The following ABCA1 variants were observed in gnomAD, a reference collection of about 807,000 sequenced individuals.
ABCA1 encodes the protein phospholipid-transporting ATPase ABCA1.
In ABCA1, 133 loss-of-function variants were observed where a neutral mutation model predicts 262.5. That is an observed-to-expected ratio of 0.51 (90% CI 0.44 to 0.59). ABCA1 has a LOEUF of 0.59. ABCA1 is among the 20% of genes least tolerant of loss of function. ABCA1 has a pLI of 0.00. For synonymous variants in ABCA1, 1,022 were observed against 1,043.5 expected, an observed-to-expected ratio of 0.98 and a Z score of 0.40; for missense variants, 2,452 against 2,777.5, an observed-to-expected ratio of 0.88 and a Z score of 2.63.
chr9:104,885,547 T>G (rs1238247663), intron 3 of ABCA1, among the ~76,000 whole-genome samples: 1 of 152,208 alleles, frequency 6.6e-6, no homozygotes, highest in East Asian at 1.9e-4. Context: ...ATTGTTGTTT[T>G]GTCACTAATT....
chr9:104,837,614 T>C (rs771775930), intron 9 of ABCA1, 47 bp from the exon 10 acceptor site: 5 of 1,607,580 alleles, frequency 3.1e-6, no homozygotes, highest in Non-Finnish European at 4.2e-6. Flanking sequence ...GGTCATATAC[T>C]GATAGAAACT....
At position 104,845,564 on chromosome 9, in the gene ABCA1, T is replaced by C; in HGVS notation, c.726A>G (p.Thr242=). 1.2e-6 allele frequency: 2 copies of C among 1,611,188 alleles called. No individual in the cohort carries two copies. Among genetic ancestry groups the C allele is most frequent in the African/African-American group, 1.3e-5 (1 of 74,984 alleles). ...TCGGGAAGGGAGATGTAGAGTTTAG[T>C]GTTCTCTGTAATGAGAAAGAAAACT... The part of the protein sequence containing the change: ...NMDILKPILR[T]LNSTSPFPSK... The change falls in exon 8 of 50, where the codon ACA becomes ACG. Residue 242 remains threonine, a synonymous_variant. Coordinates refer to ENST00000374736, the MANE Select transcript of ABCA1 (RefSeq NM_005502.4).
intron 5 of ABCA1, among the ~76,000 whole-genome samples, chr9:104,876,697 A>C (rs950532560): frequency 3.9e-5 from 6 of 152,242 alleles, no homozygotes; most frequent in Non-Finnish European, 8.8e-5. Flanking sequence ...CAGCAGCAAC[A>C]ACCCCATCAG....
chr9:104,839,129 CTG>C (rs1024953675), intron 9 of ABCA1, among the ~76,000 whole-genome samples: 2 of 152,248 alleles, frequency 1.3e-5, no homozygotes, highest in African/African-American at 4.8e-5. Context: ...CTGCCTAAAA[CTG>C]TGACATTGGA....
intron 9 of ABCA1, among the ~76,000 whole-genome samples, chr9:104,839,294 G>A (rs567390963): frequency 1.6e-4 from 24 of 152,300 alleles, no homozygotes; most frequent in African/African-American, 5.5e-4. Flanking sequence ...GAACACACAC[G>A]CCACCACTAA....
chr9:104,848,057 T>C (rs560541464), intron 7 of ABCA1, among the ~76,000 whole-genome samples: 53 of 152,330 alleles, frequency 3.5e-4, no homozygotes, highest in African/African-American at 1.2e-3. Flanking sequence ...CACACACATA[T>C]ACATCTTTAT....
chr9:104,818,817 A>G lies in ABCA1; in HGVS notation c.3308T>C (p.Ile1103Thr). 6.2e-7 allele frequency: 1 copy of G among 1,614,064 alleles called. No individual in the cohort carries two copies. Among genetic ancestry groups the G allele is most frequent in the Non-Finnish European group, 8.5e-7 (1 of 1,180,050 alleles). Residue 1103 changes from isoleucine to threonine, a missense_variant, in exon 23 of 50, where the codon ATC (isoleucine) becomes ACC (threonine). Ile to Thr is a moderately conservative substitution (Grantham distance 89). Transcript: ENST00000374736. Reference sequence around the variant, plus strand: ...ACAGCACAGCTTCCCATGGGAGATGATGGCAATCCTGTCCCCCAGGACGTC... The same window carrying G: ...ACAGCACAGCTTCCCATGGGAGATGGTGGCAATCCTGTCCCCCAGGACGTC... ...EADVLGDRIAIISHGKLCCVG... is the reference protein window; with the variant it reads ...EADVLGDRIATISHGKLCCVG...
At chr9:104,827,287 G>T in intron 15 of ABCA1, 118 bp from the exon 16 acceptor site, 1 of 850,698 alleles carries the variant, frequency 1.2e-6, no homozygotes, top group Non-Finnish European at 1.9e-6. Flanking sequence ...ATGCAGAGGC[G>T]TAATGCTGTT....
At chr9:104,794,324 G>A in intron 40 of ABCA1, 63 bp downstream of exon 40, 1 of 1,611,574 alleles carries the variant, frequency 6.2e-7, no homozygotes, top group Non-Finnish European at 8.5e-7. Context: ...AAAGTTCAGG[G>A]TACCAAGGCC....
rs75799425 is a variant in ABCA1 at position 104,790,760 on chromosome 9, T to C, written c.5927+162A>G. On this transcript the variant is annotated intron_variant, in intron 44 of 49. Coordinates refer to ENST00000374736, the MANE Select transcript of ABCA1 (RefSeq NM_005502.4). ...TGTAAATTGTGATTATCTCTAGATA[T>C]TGAAATCATGGATGATTTTATGTGC... Among the ~76,000 whole-genome samples the C allele has an allele frequency of 0.032, 4,912 of 152,344 alleles. 252 individuals are homozygous for C. The highest frequency in any genetic ancestry group is 0.11 in the African/African-American group (4,537 of 41,566).
chr9:104,791,143 T>C, intron 43 of ABCA1, 115 bp from the exon 44 acceptor site: 2 of 740,968 alleles, frequency 2.7e-6, no homozygotes, highest in Non-Finnish European at 4.7e-6. Flanking sequence ...GAATCAAATA[T>C]TTTCTTGGTT....
In ABCA1 at chr9:104,796,037, T is replaced by C. The variant is rs921108628; in HGVS notation, c.5382+16A>G. The C allele has an allele frequency of 1.9e-6, 3 of 1,612,266 alleles. No homozygotes were observed. The highest frequency in any genetic ancestry group is 1.7e-5 in the Admixed American group (1 of 60,016). On this transcript the variant is annotated intron_variant, in intron 39 of 49. Transcript: ENST00000374736. ...GATGCTCATCCCAGCAGGAGTGTTC[T>C]CTCTGCATGACTCACATTGTCGGTG...
chr9:104,799,525 AAC>A (rs1169164429), intron 36 of ABCA1: 1 of 981,954 alleles, frequency 1.0e-6, no homozygotes, highest in African/African-American at 1.8e-5. Context: ...AAACTGATTA[AAC>A]ACTTATAATT....
At chr9:104,790,494 T>A (rs569178613) in intron 44 of ABCA1, among the ~76,000 whole-genome samples, 20 of 152,298 alleles carry the variant, frequency 1.3e-4, no homozygotes, top group African/African-American at 4.6e-4. Flanking sequence ...TCATTAACAA[T>A]AAAAACTAAT....
intron 5 of ABCA1, among the ~76,000 whole-genome samples, chr9:104,881,015 G>A (rs1838597900): frequency 6.6e-6 from 1 of 152,174 alleles, no homozygotes. Flanking sequence ...TGGGCATGGT[G>A]GAGCATGCCT....
Position 104,822,642 on chromosome 9 carries a change from G to A in ABCA1, c.2682C>T (p.His894=), listed in dbSNP as rs377629604. Residue 894 remains histidine, a synonymous_variant, in exon 19 of 50, where the codon CAC becomes CAT. Transcript: ENST00000374736. ...SEICMEEEPT[H]LKLGVSIQNL... ...TCTGAATGGACACGCCCAGCTTCAA[G>A]TGGGTGGGTTCCTCCTCCATGCAGA... 1.2e-6 allele frequency: 2 copies of A among 1,614,154 alleles called. No individual in the cohort carries two copies. Among genetic ancestry groups the A allele is most frequent in the Admixed American group, 1.7e-5 (1 of 60,028 alleles).
At position 104,821,424 on chromosome 9, in the gene ABCA1, T is replaced by G; in HGVS notation, c.2911A>C (p.Ile971Leu). 1 of 1,614,154 alleles carries G rather than the reference T, an allele frequency of 6.2e-7. No homozygotes were observed. The highest frequency in any genetic ancestry group is 8.5e-7 in the Non-Finnish European group (1 of 1,180,038). Residue 971 changes from isoleucine to leucine, a missense_variant, in exon 20 of 50, where the codon ATC becomes CTC. Ile to Leu is a conservative substitution (Grantham distance 5). This residue lies in a region of ABCA1 where 665 missense variants were observed against 727.3 expected (regional missense o/e 0.91). Coordinates refer to ENST00000374736, the MANE Select transcript of ABCA1 (RefSeq NM_005502.4). Reference sequence around the variant, plus strand: ...GGACAGACCCCCAGGTTCTGCCGGATGGTGCTCATCTCAGAGCGAATGTCT... The same window carrying G: ...GGACAGACCCCCAGGTTCTGCCGGAGGGTGCTCATCTCAGAGCGAATGTCT... Reference protein sequence around the residue: ...GKDIRSEMSTIRQNLGVCPQH... With the variant: ...GKDIRSEMSTLRQNLGVCPQH...
At chr9:104,843,265 C>T (rs1298308556) in intron 8 of ABCA1, among the ~76,000 whole-genome samples, 1 of 152,186 alleles carries the variant, frequency 6.6e-6, no homozygotes, top group African/African-American at 2.4e-5. Context: ...GTCCTCAACA[C>T]CTAGCAATGC....
chr9:104,815,887 T>G (rs1354709765), intron 25 of ABCA1, among the ~76,000 whole-genome samples: 1 of 152,194 alleles, frequency 6.6e-6, no homozygotes, highest in Non-Finnish European at 1.5e-5. Context: ...AAGGTTGGGA[T>G]GTAAATGTGT....
Sources: gnomAD v4.1 joint callset for allele counts (sites outside exome capture counted in the v4.1 genomes callset) on GRCh38, gnomAD v4.1.1 for gene constraint, gnomAD v4.1.1 regional missense constraint, MANE v1.5 for transcripts, NCBI Gene and HGNC (gene_info 2026-07-23, HGNC 2026-07-21) for gene names.